Variants in SLCO3A1 observed in about 807,000 individuals in gnomAD.
The protein encoded by SLCO3A1 is solute carrier organic anion transporter family member 3A1.
In SLCO3A1, 27 loss-of-function variants were observed where a neutral mutation model predicts 63.1. The ratio of observed to expected loss-of-function variants is 0.43; its 90% CI spans 0.32 to 0.59. The LOEUF is 0.59. Among genes scored for constraint, SLCO3A1 ranks in the 20% least tolerant of loss-of-function variants. The probability of loss-of-function intolerance (pLI) is 0.09; values close to 1 mark genes in which losing one functional copy is unlikely to be tolerated. For synonymous variants in SLCO3A1, 473 were observed against 409.9 expected (o/e 1.15, Z -1.86); for missense variants, 773 against 945.8 (o/e 0.82, Z 2.40).
intron 8 of SLCO3A1, 102 bp from the exon 9 acceptor site, chr15:92,150,848 G>T: frequency 1.4e-6 from 1 of 710,976 alleles, no homozygotes; most frequent in South Asian, 2.0e-5. Flanking sequence ...ATTTTCTAAA[G>T]AAGAGCTCTG....
chr15:91,859,836 C>T lies in SLCO3A1; in HGVS notation c.180+5748C>T, dbSNP rs567167857. 1.3e-5 allele frequency among the ~76,000 whole-genome samples: 2 copies of T among 152,180 alleles called. No individual in the cohort carries two copies. The highest frequency in any genetic ancestry group is 1.9e-4 in the East Asian group (1 of 5,182). On this transcript the variant is annotated intron_variant, in intron 1 of 9. Coordinates refer to ENST00000318445, the MANE Select transcript of SLCO3A1 (RefSeq NM_013272.4). The surrounding 1 kb of genome is among the most constrained non-coding windows in gnomAD (Gnocchi z 5.1). ...GCATATTTACTGCAAACATAATAAC[C>T]GTGTAGCCCCAACCAATGAGAAATA...
At chr15:91,925,942 A>C (rs770808529) in intron 2 of SLCO3A1, among the ~76,000 whole-genome samples, 2 of 152,288 alleles carry the variant, frequency 1.3e-5, no homozygotes, top group Non-Finnish European at 1.5e-5. Flanking sequence ...CTGCCTCATC[A>C]GGCTTGAGTG....
rs2048524477 is a variant in SLCO3A1 at position 92,172,000 on chromosome 15, T to C, written c.*138T>C. 1.0e-5 allele frequency: 7 copies of C among 672,710 alleles called. No individual in the cohort carries two copies. The South Asian group carries it at 1.1e-4, about 10-fold the overall frequency. 41.7% of individuals were successfully genotyped at this position (672,710 alleles called of 1,614,324 possible). ...GATTATCCAGCCAGTGTGTGGTCCTTTGAGGCCCCAAGCGCAGGCCTGTGA... is the reference window on the plus strand; with the variant it reads ...GATTATCCAGCCAGTGTGTGGTCCTCTGAGGCCCCAAGCGCAGGCCTGTGA... On this transcript the variant is annotated 3_prime_UTR_variant, in exon 11 of 11. Transcript: ENST00000424469.
intron 2 of SLCO3A1, among the ~76,000 whole-genome samples, chr15:92,056,104 G>T (rs2047018124): frequency 6.6e-6 from 1 of 151,874 alleles, no homozygotes; most frequent in South Asian, 2.1e-4. Context: ...CTGCAGTTTT[G>T]TCTGCATCTA....
chr15:91,932,733 G>A (rs1296253030), intron 2 of SLCO3A1, among the ~76,000 whole-genome samples: 2 of 152,188 alleles, frequency 1.3e-5, no homozygotes, highest in Non-Finnish European at 2.9e-5. Flanking sequence ...GTGAGCCACC[G>A]TGCCCGGCCT....
rs17644554 is a variant in SLCO3A1 at position 92,040,876 on chromosome 15, A to G, written c.647-54005A>G. On this transcript the variant is annotated intron_variant, in intron 2 of 9. Transcript: ENST00000318445. ...TCCAGATGCAACGTGTAGAAATTCA[A>G]GTTGACTTAGTCTGGGATCTGGGCC... Among the ~76,000 whole-genome samples the G allele has an allele frequency of 0.012, 1,778 of 152,212 alleles. 74 individuals are homozygous for G. In the East Asian group the frequency reaches 0.12, roughly 10 times the overall value.
At chr15:91,938,925 G>A (rs1429614325) in intron 2 of SLCO3A1, among the ~76,000 whole-genome samples, 2 of 152,210 alleles carry the variant, frequency 1.3e-5, no homozygotes, top group Non-Finnish European at 2.9e-5. Flanking sequence ...GGGAAGGGCA[G>A]GCCCCCAAGA....
At chr15:92,041,662 G>T (rs1212206026) in intron 2 of SLCO3A1, among the ~76,000 whole-genome samples, 3 of 152,094 alleles carry the variant, frequency 2.0e-5, no homozygotes, top group African/African-American at 4.8e-5. Flanking sequence ...GAATCTGAGG[G>T]ATCTTCCACT....
rs113615362 is a variant in SLCO3A1 at position 91,963,458 on chromosome 15, T to TGC, written c.646+47001_646+47002dup. Among the ~76,000 whole-genome samples the TGC allele has an allele frequency of 8.1e-3, 1,222 of 150,502 alleles. 18 individuals are homozygous for TGC. Among genetic ancestry groups the TGC allele is most frequent in the African/African-American group, 0.029 (1,165 of 40,572 alleles). On this transcript the variant is annotated intron_variant, in intron 2 of 9. Coordinates refer to ENST00000318445, the MANE Select transcript of SLCO3A1 (RefSeq NM_013272.4). ...GGGGCTGATTAACTCCTGAATGTTG[T>TGC]GCTAATGAGAAAGTGGTGTGGGTAG...
chr15:92,090,562 A>G (rs2047460028), intron 2 of SLCO3A1, among the ~76,000 whole-genome samples: 1 of 152,192 alleles, frequency 6.6e-6, no homozygotes, highest in Non-Finnish European at 1.5e-5. Context: ...GCAGCAGATC[A>G]GTGGGGTGGA....
chr15:92,153,111 C>T (rs1303786165), intron 9 of SLCO3A1, among the ~76,000 whole-genome samples: 1 of 152,104 alleles, frequency 6.6e-6, no homozygotes, highest in Non-Finnish European at 1.5e-5. Flanking sequence ...ATGTCTGCCC[C>T]AGGAATAATC....
At chr15:92,098,525 A>G (rs2047566967) in intron 3 of SLCO3A1, among the ~76,000 whole-genome samples, 1 of 152,204 alleles carries the variant, frequency 6.6e-6, no homozygotes, top group African/African-American at 2.4e-5. Context: ...GAAAAAACGG[A>G]CTTAGTAGCA....
At chr15:92,091,438 G>C (rs902199780) in intron 2 of SLCO3A1, among the ~76,000 whole-genome samples, 1 of 152,190 alleles carries the variant, frequency 6.6e-6, no homozygotes, top group Admixed American at 6.5e-5. Context: ...CAGAACATTC[G>C]AGCTGGCTTT....
intron 2 of SLCO3A1, among the ~76,000 whole-genome samples, chr15:91,922,786 T>C (rs1287434972): frequency 6.6e-6 from 1 of 152,236 alleles, no homozygotes; most frequent in East Asian, 1.9e-4. Context: ...CTAAAATAAA[T>C]GGCACTATAA....
chr15:92,071,502 C>T (rs191000495), intron 2 of SLCO3A1, among the ~76,000 whole-genome samples: 121 of 152,308 alleles, frequency 7.9e-4, no homozygotes, highest in African/African-American at 2.9e-3. Context: ...GGGGAAAAAA[C>T]ACACGTCAGA....
chr15:92,013,912 G>A (rs965622855), intron 2 of SLCO3A1, among the ~76,000 whole-genome samples: 1 of 152,174 alleles, frequency 6.6e-6, no homozygotes, highest in African/African-American at 2.4e-5. Flanking sequence ...GGTGACAGAG[G>A]TCAGGCAGGA....
chr15:91,870,539 G>T (rs749462205), intron 1 of SLCO3A1, among the ~76,000 whole-genome samples: 3 of 152,174 alleles, frequency 2.0e-5, no homozygotes, highest in Non-Finnish European at 4.4e-5. Context: ...AACTGGATGT[G>T]TATTTTCAAT....
intron 2 of SLCO3A1, among the ~76,000 whole-genome samples, chr15:91,960,168 A>T (rs2151420607): frequency 6.6e-6 from 1 of 152,254 alleles, no homozygotes; most frequent in Admixed American, 6.5e-5. Flanking sequence ...TATTGTTAGT[A>T]GAGACGGAGT....
At position 92,085,130 on chromosome 15, in the gene SLCO3A1, C is replaced by T. The variant is rs576719255; in HGVS notation, c.647-9751C>T. ...CCAGCATAGAGAGGCTGAGGGGGCT[C>T]CCCAGGTTTCCAGGCAGTTAAGTTG... On this transcript the variant is annotated intron_variant, in intron 2 of 9. Coordinates refer to ENST00000318445, the MANE Select transcript of SLCO3A1 (RefSeq NM_013272.4). Among the ~76,000 whole-genome samples, 6 of 152,320 alleles carry T rather than the reference C, an allele frequency of 3.9e-5. No individual in the cohort carries two copies. The South Asian group carries it at 1.0e-3, about 26-fold the overall frequency.
Sources: allele counts gnomAD v4.1 joint callset (sites outside exome capture counted in the v4.1 genomes callset), GRCh38; gene constraint gnomAD v4.1.1; non-coding constraint Gnocchi (gnomAD v3.1); transcripts MANE v1.5; gene names NCBI Gene and HGNC (gene_info 2026-07-23, HGNC 2026-07-21).